GAB3: variants seen among roughly 807,000 people sequenced by gnomAD.
The protein encoded by GAB3 is GRB2-associated-binding protein 3.
GAB3 carries 12 observed loss-of-function variants against 40.4 expected under a neutral mutation model. That is an observed-to-expected ratio of 0.30 (90% confidence interval 0.19 to 0.48). The LOEUF (loss-of-function observed/expected upper bound fraction) is 0.48, where lower values mean the gene tolerates loss of function less well. Among genes scored for constraint, GAB3 ranks in the 20% least tolerant of loss-of-function variants. The pLI is 0.99. For missense variants in GAB3, 381 were observed against 461.9 expected, an observed-to-expected ratio of 0.82 and a Z score of 1.61; for synonymous variants, 154 against 176.7, an observed-to-expected ratio of 0.87 and a Z score of 1.02.
chrX:154,707,729 A>T (rs1247014113), intron 4 of GAB3, among the ~76,000 whole-genome samples: 1 of 112,041 alleles, frequency 8.9e-6, no homozygotes, highest in African/African-American at 3.2e-5. Context: ...AAAAGTAATG[A>T]AAAATACAAG....
chrX:154,725,918 C>T (rs1557259330), intron 1 of GAB3, among the ~76,000 whole-genome samples: 2 of 111,184 alleles, frequency 1.8e-5, no homozygotes, highest in African/African-American at 6.6e-5. Flanking sequence ...CCTAAGAAAG[C>T]TTAAAAAGAA....
chrX:154,710,469 A>G (rs1230171129), intron 4 of GAB3, among the ~76,000 whole-genome samples: 6 of 111,979 alleles, frequency 5.4e-5, no homozygotes, highest in Admixed American at 4.7e-4. Context: ...AGGGATAGAA[A>G]GCAGAAAGGA....
At chrX:154,681,020 G>A (rs1557246740) in intron 8 of GAB3, among the ~76,000 whole-genome samples, 1 of 112,009 alleles carries the variant, frequency 8.9e-6, no homozygotes, top group Admixed American at 9.5e-5. Flanking sequence ...TGCCATCAAA[G>A]GATATTTGAG....
At chrX:154,712,885 T>C (rs1231415999) in intron 3 of GAB3, among the ~76,000 whole-genome samples, 184 bp from the exon 4 acceptor site, 1 of 112,040 alleles carries the variant, frequency 8.9e-6, no homozygotes, top group Admixed American at 9.4e-5. Flanking sequence ...TTTGTTGATT[T>C]TTTCATCCTC....
At chrX:154,748,371 T>C (rs1055521361) in intron 1 of GAB3, among the ~76,000 whole-genome samples, 1 of 110,972 alleles carries the variant, frequency 9.0e-6, no homozygotes, top group Non-Finnish European at 1.9e-5. Context: ...TATCCCTGGG[T>C]TGGGGAGTGG....
At chrX:154,724,988 G>T (rs2071192455) in intron 1 of GAB3, among the ~76,000 whole-genome samples, 1 of 110,918 alleles carries the variant, frequency 9.0e-6, no homozygotes, top group African/African-American at 3.3e-5. Flanking sequence ...AGTTAAAGTG[G>T]GGTCATAATC....
chrX:154,710,396 A>T (rs1270442752), intron 4 of GAB3, among the ~76,000 whole-genome samples: 1 of 111,940 alleles, frequency 8.9e-6, no homozygotes, highest in African/African-American at 3.3e-5. Flanking sequence ...CTGGATATTA[A>T]GACAGAATGG....
chrX:154,717,181 G>A (rs2148462355), intron 1 of GAB3, among the ~76,000 whole-genome samples: 1 of 111,672 alleles, frequency 9.0e-6, no homozygotes, highest in South Asian at 3.7e-4. Flanking sequence ...TAAAGAGAGA[G>A]AGGAAGTGTA....
At chrX:154,720,368 C>A (rs2148466078) in intron 1 of GAB3, among the ~76,000 whole-genome samples, 1 of 111,800 alleles carries the variant, frequency 8.9e-6, no homozygotes, top group East Asian at 2.8e-4. Flanking sequence ...ATCAAATACA[C>A]TTAAATCCAT....
chrX:154,691,978 G>A (rs187424854), intron 8 of GAB3, among the ~76,000 whole-genome samples: 41 of 111,718 alleles, frequency 3.7e-4, no homozygotes, highest in African/African-American at 1.2e-3. Flanking sequence ...AAAGAATGAC[G>A]TTGGCCTCTA....
chrX:154,717,722 T>C (rs782408945), intron 1 of GAB3, among the ~76,000 whole-genome samples: 17 of 111,056 alleles, frequency 1.5e-4, no homozygotes, highest in Admixed American at 1.0e-3. Context: ...ATCTCTGGCC[T>C]GGGGAAAGAG....
At chrX:154,693,361 G>A in intron 8 of GAB3, among the ~76,000 whole-genome samples, 1 of 111,816 alleles carries the variant, frequency 8.9e-6, no homozygotes, top group Middle Eastern at 4.2e-3. Flanking sequence ...GTCTTCCATG[G>A]GTGAGGGGAC....
At position 154,725,844 on chromosome X, in the gene GAB3, G is replaced by A. The variant is rs781863609; in HGVS notation, c.73-9515C>T. Among the ~76,000 whole-genome samples the A allele has an allele frequency of 1.2e-3, 130 of 111,216 alleles. No individual in the cohort carries two copies. In the South Asian group the frequency reaches 0.031, roughly 26 times the overall value. On this transcript the variant is annotated intron_variant, in intron 1 of 9. Coordinates refer to ENST00000424127, the MANE Select transcript of GAB3 (RefSeq NM_001081573.3). ...ACATTCAGTAGAGACTCAAAGAGAG[G>A]CCACATCTTAGAAGCAGGAGTAAGG... is the stretch of plus-strand genomic sequence containing the variant.
chrX:154,748,021 TG>T (rs782091079), intron 1 of GAB3, among the ~76,000 whole-genome samples: 10 of 112,120 alleles, frequency 8.9e-5, no homozygotes, highest in African/African-American at 3.2e-4. Flanking sequence ...AAGTTCTTAG[TG>T]TAGTGCCTGG....
intron 9 of GAB3, chrX:154,679,014 G>A (rs951822743): frequency 6.6e-5 from 17 of 257,444 alleles, no homozygotes; most frequent in South Asian, 1.2e-4. Context: ...AAAAACAGCC[G>A]TGGGTGATGA....
intron 1 of GAB3, among the ~76,000 whole-genome samples, chrX:154,746,774 T>C (rs2071535442): frequency 8.9e-6 from 1 of 112,620 alleles, no homozygotes; most frequent in African/African-American, 3.2e-5. Context: ...CTATGGGATA[T>C]GAGGTCAGTG....
intron 4 of GAB3, among the ~76,000 whole-genome samples, chrX:154,707,098 A>AT (rs1194165107): frequency 9.0e-6 from 1 of 111,713 alleles, no homozygotes; most frequent in Non-Finnish European, 1.9e-5. Flanking sequence ...TGACGTCAGC[A>AT]TAACATTTTT....
rs781996704 is a variant in GAB3, at chrX:154,697,242, G to A, written c.1346-29C>T. On this transcript the variant is annotated intron_variant, in intron 6 of 9. Transcript: ENST00000424127. ...CAAGACAGTGTGCAACATCCAGGAG[G>A]TCAAGGCCAGAGTCTAAAGACTGTA... The A allele has an allele frequency of 7.8e-6, 8 of 1,022,841 alleles. No homozygotes were observed. The Admixed American group carries it at 2.3e-4, about 29-fold the overall frequency. 84.3% of individuals were successfully genotyped at this position (1,022,841 alleles called of 1,213,427 possible).
At chrX:154,700,183 A>T (rs1313224806) in intron 4 of GAB3, 124 bp from the exon 5 acceptor site, 2 of 500,690 alleles carry the variant, frequency 4.0e-6, no homozygotes, top group Non-Finnish European at 6.7e-6. Context: ...GTCAGAACAC[A>T]TTTCCCCAAC....
Sources: allele counts gnomAD v4.1 joint callset (sites outside exome capture counted in the v4.1 genomes callset), GRCh38; gene constraint gnomAD v4.1.1; transcripts MANE v1.5; gene names NCBI Gene and HGNC (gene_info 2026-07-23, HGNC 2026-07-21).